Variants in HYCC2 observed in about 807,000 individuals in gnomAD.
The protein encoded by HYCC2 is hyccin PI4KA lipid kinase complex subunit 2.
chr2:201,059,233 A>G, the HYCC2 span, among the ~76,000 whole-genome samples: 1 of 152,190 alleles, frequency 6.6e-6, no homozygotes, highest in African/African-American at 2.4e-5. Flanking sequence ...AATTCCTATA[A>G]TAAACCTTAT....
the HYCC2 span, among the ~76,000 whole-genome samples, chr2:201,008,116 G>A: frequency 6.6e-6 from 1 of 152,128 alleles, no homozygotes; most frequent in Non-Finnish European, 1.5e-5. Flanking sequence ...ACAAGAGTTT[G>A]GTTTTGGGAA....
At chr2:200,997,855 G>A in the HYCC2 span, among the ~76,000 whole-genome samples, 285 of 152,280 alleles carry the variant, frequency 1.9e-3, 3 homozygotes, top group African/African-American at 6.7e-3. Context: ...GGCTAACACG[G>A]TGAAACCCCG....
chr2:201,003,055 A>T, the HYCC2 span, among the ~76,000 whole-genome samples: 1 of 152,174 alleles, frequency 6.6e-6, no homozygotes, highest in African/African-American at 2.4e-5. Flanking sequence ...TCTATGTGCC[A>T]CTAGAGAAAG....
chr2:201,037,687 A>G, the HYCC2 span, among the ~76,000 whole-genome samples: 1 of 152,254 alleles, frequency 6.6e-6, no homozygotes, highest in East Asian at 1.9e-4. Flanking sequence ...CTGGCTAGCC[A>G]TAAGTAGAAA....
At chr2:201,007,642 G>A in the HYCC2 span, among the ~76,000 whole-genome samples, 4 of 152,274 alleles carry the variant, frequency 2.6e-5, no homozygotes, top group East Asian at 3.9e-4. Flanking sequence ...GTTTAGGGCC[G>A]AGACTGGTAA....
chr2:201,061,630 T>TG, the HYCC2 span, among the ~76,000 whole-genome samples: 3 of 151,620 alleles, frequency 2.0e-5, no homozygotes, highest in African/African-American at 7.2e-5. Flanking sequence ...ACTTATAGTT[T>TG]TTTTTTTTTT....
At chr2:201,059,887 A>T in the HYCC2 span, among the ~76,000 whole-genome samples, 1 of 152,072 alleles carries the variant, frequency 6.6e-6, no homozygotes, top group East Asian at 1.9e-4. Flanking sequence ...CTCTACTAAA[A>T]ATACAAAAAT....
chr2:201,030,582 C>CT, the HYCC2 span, among the ~76,000 whole-genome samples: 22,654 of 141,872 alleles, frequency 0.16, 1,931 homozygotes, highest in East Asian at 0.29. Context: ...TATCTCATTC[C>CT]TTTTTTTTTT....
At chr2:200,991,720 G>A in the HYCC2 span, among the ~76,000 whole-genome samples, 1 of 151,590 alleles carries the variant, frequency 6.6e-6, no homozygotes, top group Non-Finnish European at 1.5e-5. Context: ...GGGTGGCAGA[G>A]AGAGACTTCG....
the HYCC2 span, chr2:201,022,526 G>C: frequency 8.7e-6 from 2 of 231,162 alleles, no homozygotes; most frequent in South Asian, 1.3e-4. Context: ...ATGGCTTCCA[G>C]AGCAGGAAAC....
At chr2:201,067,118 A>G in the HYCC2 span, 1 of 242,270 alleles carries the variant, frequency 4.1e-6, no homozygotes, top group Non-Finnish European at 8.4e-6. Flanking sequence ...CCTGATGAAG[A>G]GAAGAAGGCT....
the HYCC2 span, among the ~76,000 whole-genome samples, chr2:201,054,206 G>C: frequency 6.6e-6 from 1 of 152,212 alleles, no homozygotes; most frequent in Non-Finnish European, 1.5e-5. Context: ...ACTCATTACT[G>C]GAGAATTAAT....
the HYCC2 span, among the ~76,000 whole-genome samples, chr2:201,056,886 T>C: frequency 2.6e-5 from 4 of 152,290 alleles, no homozygotes; most frequent in East Asian, 3.9e-4. Flanking sequence ...TTGGTCACCC[T>C]TGACATTGTG....
the HYCC2 span, chr2:201,045,479 TAA>T: frequency 2.5e-6 from 1 of 397,882 alleles, no homozygotes; most frequent in Non-Finnish European, 4.4e-6. Flanking sequence ...TTTAAAAAGT[TAA>T]AGTCTTAATT....
chr2:200,981,622 T>C, the HYCC2 span: 1 of 1,614,130 alleles, frequency 6.2e-7, no homozygotes, highest in Non-Finnish European at 8.5e-7. The surrounding 1 kb of genome is among the most constrained non-coding windows in gnomAD (Gnocchi z 4.5). Flanking sequence ...TACACTAAGA[T>C]CAGTTGGTTG....
chr2:201,036,259 C>A, the HYCC2 span, among the ~76,000 whole-genome samples: 1 of 152,128 alleles, frequency 6.6e-6, no homozygotes, highest in Admixed American at 6.5e-5. Context: ...TAATAGCTTA[C>A]CAATCAAAAA....
chr2:201,042,210 G>A, the HYCC2 span, among the ~76,000 whole-genome samples: 3 of 152,202 alleles, frequency 2.0e-5, no homozygotes, highest in South Asian at 2.1e-4. Flanking sequence ...TGCCAGCCTC[G>A]GCCTCCCGAG....
At chr2:201,016,953 A>G in the HYCC2 span, 1 of 1,590,092 alleles carries the variant, frequency 6.3e-7, no homozygotes, top group South Asian at 1.1e-5. Context: ...GACCTTAAAA[A>G]ATACTTAAAA....
At chr2:201,025,822 G>C in the HYCC2 span, among the ~76,000 whole-genome samples, 3 of 152,256 alleles carry the variant, frequency 2.0e-5, no homozygotes, top group Admixed American at 1.3e-4. Flanking sequence ...ACTTTGGGAG[G>C]CTGAGGTAAG....
Sources: allele counts gnomAD v4.1 joint callset (sites outside exome capture counted in the v4.1 genomes callset), GRCh38; gene constraint gnomAD v4.1.1; non-coding constraint Gnocchi (gnomAD v3.1); transcripts MANE v1.5; gene names NCBI Gene and HGNC (gene_info 2026-07-23, HGNC 2026-07-21).